The following VWA2 variants were observed in gnomAD, a reference collection of about 807,000 sequenced individuals.
VWA2 encodes von Willebrand factor A domain containing 2.
In VWA2, 73 loss-of-function variants were observed where a neutral mutation model predicts 70.4. The observed-to-expected ratio is 1.04, with a 90% confidence interval of 0.86 to 1.26. The LOEUF (loss-of-function observed/expected upper bound fraction) is 1.26, where lower values mean the gene tolerates loss of function less well. Among genes scored for constraint, VWA2 ranks in the 50% most tolerant of loss-of-function variants. The pLI is 0.00. For synonymous variants in VWA2, 407 were observed against 423.3 expected (o/e 0.96, Z 0.47); for missense variants, 1,011 against 998.5 (o/e 1.01, Z -0.17).
At chr10:114,272,683 A>G (rs1453409655) in intron 5 of VWA2, 57 bp from the exon 6 acceptor site, 6 of 1,450,456 alleles carry the variant, frequency 4.1e-6, no homozygotes, top group Non-Finnish European at 2.8e-6. Flanking sequence ...TCTCATCCCA[A>G]CTTCACCTCC....
At chr10:114,283,410 C>T (rs144318878) in intron 9 of VWA2, among the ~76,000 whole-genome samples, 130 of 152,146 alleles carry the variant, frequency 8.5e-4, no homozygotes, top group African/African-American at 3.1e-3. Flanking sequence ...GGCAGGGTAG[C>T]GAGTGTCCCT....
intron 4 of VWA2, among the ~76,000 whole-genome samples, 169 bp downstream of exon 4, chr10:114,255,217 A>C (rs1363051842): frequency 2.0e-5 from 3 of 150,982 alleles, no homozygotes; most frequent in Non-Finnish European, 4.4e-5. Flanking sequence ...TGAGGCTATA[A>C]GGCATCTTTT....
At chr10:114,284,815 C>T in intron 9 of VWA2, 48 bp from the exon 10 acceptor site, 1 of 1,538,790 alleles carries the variant, frequency 6.5e-7, no homozygotes, top group Non-Finnish European at 8.8e-7. Context: ...GTCCTCTCCA[C>T]TCCTCTGTGC....
chr10:114,255,165 C>T (rs1050382758), intron 4 of VWA2, 117 bp downstream of exon 4: 1 of 1,303,986 alleles, frequency 7.7e-7, no homozygotes, highest in African/African-American at 1.5e-5. Context: ...GACCAAGGGG[C>T]TGAATCCTGG....
intron 5 of VWA2, among the ~76,000 whole-genome samples, chr10:114,266,116 T>G (rs1481102038): frequency 3.9e-5 from 6 of 151,980 alleles, no homozygotes; most frequent in Admixed American, 2.6e-4. Context: ...GCTAAAACGG[T>G]GAAACCCCAT....
intron 6 of VWA2, among the ~76,000 whole-genome samples, chr10:114,276,880 C>A (rs567335281): frequency 6.6e-6 from 1 of 152,074 alleles, no homozygotes; most frequent in African/African-American, 2.4e-5. Context: ...ATCTGAATTA[C>A]CTGGCAGCTT....
At chr10:114,249,824 C>A (rs1230563356) in intron 2 of VWA2, among the ~76,000 whole-genome samples, 2 of 152,144 alleles carry the variant, frequency 1.3e-5, no homozygotes, top group African/African-American at 2.4e-5. Context: ...CTCTTCACCC[C>A]CAGCTAAAAC....
At chr10:114,286,737 TG>T (rs2038951606) in intron 11 of VWA2, among the ~76,000 whole-genome samples, 1 of 152,232 alleles carries the variant, frequency 6.6e-6, no homozygotes, top group Admixed American at 6.5e-5. Flanking sequence ...TTAGGTAAGA[TG>T]GGCAGTGTAC....
intron 2 of VWA2, among the ~76,000 whole-genome samples, chr10:114,251,742 G>T (rs78146554): frequency 2.0e-5 from 3 of 151,910 alleles, no homozygotes; most frequent in African/African-American, 4.8e-5. Flanking sequence ...GAACAGAACC[G>T]CATTATGGGG....
At chr10:114,276,026 A>G (rs555704440) in intron 6 of VWA2, among the ~76,000 whole-genome samples, 128 of 152,386 alleles carry the variant, frequency 8.4e-4, no homozygotes, top group African/African-American at 3.0e-3. Context: ...TGACTGTCTC[A>G]TCGCTGTCCA....
chr10:114,269,334 G>A (rs112169486), intron 5 of VWA2, among the ~76,000 whole-genome samples: 33 of 152,230 alleles, frequency 2.2e-4, no homozygotes, highest in Admixed American at 1.3e-3. Flanking sequence ...TAATCCCAGC[G>A]CTTTGGGAGG....
chr10:114,267,210 G>A (rs948935898), intron 5 of VWA2, among the ~76,000 whole-genome samples: 3 of 152,040 alleles, frequency 2.0e-5, no homozygotes, highest in Non-Finnish European at 4.4e-5. Context: ...CGCCTCCCAG[G>A]TTCAAGTGAT....
In VWA2 at chr10:114,284,760, G is replaced by A. The variant is rs76080534; in HGVS notation, c.890-103G>A. On this transcript the variant is annotated intron_variant, in intron 9 of 13. Coordinates refer to ENST00000392982, the MANE Select transcript of VWA2 (RefSeq NM_001272046.2). ...GACTGTGGGGGAAGGGAGGGGCTGG[G>A]CCACTGCTAGAGCAGGAAGCCAGCT... 5.4e-3 allele frequency: 5,870 copies of A among 1,087,572 alleles called. 239 individuals carry two copies. The African/African-American group carries it at 0.085, about 16-fold the overall frequency. The allele number at this position is 1,087,572 out of a possible 1,614,324, so 67.4% of individuals were successfully genotyped here. A position where few individuals can be genotyped will look rare whatever the true frequency, so the allele number is the denominator to read the frequency against.
intron 4 of VWA2, among the ~76,000 whole-genome samples, chr10:114,259,955 G>A (rs2037409012): frequency 6.6e-6 from 1 of 152,300 alleles, no homozygotes; most frequent in South Asian, 2.1e-4. Context: ...GATGCAGCCC[G>A]CCTGGTGTGG....
chr10:114,247,051 A>C (rs1401274975), intron 1 of VWA2, among the ~76,000 whole-genome samples: 1 of 152,110 alleles, frequency 6.6e-6, no homozygotes, highest in East Asian at 1.9e-4. Context: ...GCTGTGGGGA[A>C]AGTGACCACT....
intron 1 of VWA2, among the ~76,000 whole-genome samples, chr10:114,239,886 G>A (rs570385665): frequency 6.6e-6 from 1 of 152,326 alleles, no homozygotes; most frequent in East Asian, 1.9e-4. Context: ...GTGGGTAGGG[G>A]CTCCGGGTAC....
chr10:114,281,160 G>A (rs2038081277), intron 8 of VWA2: 1 of 152,292 alleles, frequency 6.6e-6, no homozygotes, highest in Non-Finnish European at 1.5e-5. Context: ...GGGCAGCCCA[G>A]GGTGGGATCT....
intron 1 of VWA2, among the ~76,000 whole-genome samples, chr10:114,247,187 G>A (rs1245169947): frequency 2.8e-5 from 4 of 143,712 alleles, no homozygotes; most frequent in African/African-American, 5.3e-5. Context: ...CTTTTTAAGT[G>A]TGAAAAAAAA....
chr10:114,272,039 C>G (rs1297977399), intron 5 of VWA2, among the ~76,000 whole-genome samples: 1 of 152,206 alleles, frequency 6.6e-6, no homozygotes, highest in Non-Finnish European at 1.5e-5. Context: ...TTACAGGAGC[C>G]TCCTAATTTG....
Sources: gnomAD v4.1 joint callset for allele counts (sites outside exome capture counted in the v4.1 genomes callset) on GRCh38, gnomAD v4.1.1 for gene constraint, MANE v1.5 for transcripts, NCBI Gene and HGNC (gene_info 2026-07-23, HGNC 2026-07-21) for gene names.